The following ABCD3 variants were observed in gnomAD, a reference collection of about 807,000 sequenced individuals.
The protein encoded by ABCD3 is ATP-binding cassette sub-family D member 3.
Under a neutral mutation model 105.5 loss-of-function variants are expected in ABCD3, and 41 were observed. The observed-to-expected ratio is 0.39, with a 90% CI of 0.30 to 0.50. The LOEUF (loss-of-function observed/expected upper bound fraction) is 0.50. Ranked by LOEUF, ABCD3 falls within the 20% of genes least tolerant of loss-of-function variation. The probability of loss-of-function intolerance (pLI) is 0.84; values close to 1 mark genes in which losing one functional copy is unlikely to be tolerated. For missense variants in ABCD3, 622 were observed against 806.3 expected (o/e 0.77, Z 2.77); for synonymous variants, 258 against 269.0 (o/e 0.96, Z 0.40).
At chr1:94,477,627 C>T (rs1016101582) in intron 7 of ABCD3, among the ~76,000 whole-genome samples, 3 of 151,688 alleles carry the variant, frequency 2.0e-5, no homozygotes, top group Admixed American at 6.6e-5. Flanking sequence ...AGTGAATGAA[C>T]ACAATTTGTG....
At chr1:94,513,720 A>G (rs1207245351) in intron 21 of ABCD3, 2 of 152,020 alleles carry the variant, frequency 1.3e-5, no homozygotes, top group Admixed American at 1.3e-4. Flanking sequence ...TGACTTATAT[A>G]CTTCATATAT....
rs139836587 is a variant in ABCD3 at position 94,499,638 on chromosome 1, C to G, written c.1740+24C>G. 5 of 1,612,450 alleles carry G rather than the reference C, an allele frequency of 3.1e-6. No individual in the cohort carries two copies. The African/African-American group carries it at 6.7e-5, about 22-fold the overall frequency. ...CGGTAAGTATACTGTGAAGAAGTTG[C>G]ACAAGAATGCAACTGGTTCCAGCAT... On this transcript the variant is annotated intron_variant, in intron 20 of 22. Coordinates refer to ENST00000370214, the MANE Select transcript of ABCD3 (RefSeq NM_002858.4).
upstream of ABCD3, among the ~76,000 whole-genome samples, chr1:94,417,431 A>G (rs1286325771): frequency 6.6e-6 from 1 of 152,222 alleles, no homozygotes; most frequent in Non-Finnish European, 1.5e-5. Flanking sequence ...TCCTCAGCTG[A>G]AAACAGCGAT....
At chr1:94,425,356 G>A (rs4847303) in intron 1 of ABCD3, among the ~76,000 whole-genome samples, 56,835 of 151,878 alleles carry the variant, frequency 0.37, 11,806 homozygotes, top group Middle Eastern at 0.55. Context: ...ATATTTCCCT[G>A]TACATGACCT....
chr1:94,432,934 A>G (rs1026810735), intron 1 of ABCD3, among the ~76,000 whole-genome samples: 1 of 151,510 alleles, frequency 6.6e-6, no homozygotes. Context: ...GGCTCACTGC[A>G]ACCTCTGCCT....
chr1:94,402,541 A>G, the ABCD3 span, among the ~76,000 whole-genome samples: 1 of 152,180 alleles, frequency 6.6e-6, no homozygotes, highest in African/African-American at 2.4e-5. Flanking sequence ...ATCACAGTAT[A>G]GTTAGCAATT....
At chr1:94,422,677 C>G (rs1422950143) in intron 1 of ABCD3, among the ~76,000 whole-genome samples, 2 of 152,170 alleles carry the variant, frequency 1.3e-5, no homozygotes, top group African/African-American at 4.8e-5. Context: ...GGATAAATGA[C>G]ATAGGATAGT....
chr1:94,418,619 CG>C, intron 1 of ABCD3, 31 bp downstream of exon 1: 2 of 1,554,458 alleles, frequency 1.3e-6, no homozygotes, highest in Non-Finnish European at 8.7e-7. Flanking sequence ...GCAGCTTTCC[CG>C]GGCTGGAGCG....
the ABCD3 span, among the ~76,000 whole-genome samples, chr1:94,397,681 A>G: frequency 6.6e-6 from 1 of 152,120 alleles, no homozygotes; most frequent in Admixed American, 6.5e-5. Flanking sequence ...TCTACTATAA[A>G]ATTACTATTT....
chr1:94,459,785 C>T (rs1647778045), intron 2 of ABCD3, among the ~76,000 whole-genome samples: 1 of 152,168 alleles, frequency 6.6e-6, no homozygotes, highest in Non-Finnish European at 1.5e-5. Context: ...TTCCCCCAAT[C>T]CCTGGCAACC....
chr1:94,393,028 C>T, the ABCD3 span, among the ~76,000 whole-genome samples: 1 of 151,938 alleles, frequency 6.6e-6, no homozygotes, highest in South Asian at 2.1e-4. Flanking sequence ...AGGAGAATCA[C>T]TTGAACCCAG....
intron 21 of ABCD3, among the ~76,000 whole-genome samples, chr1:94,509,793 T>C (rs1650570845): frequency 6.6e-6 from 1 of 152,220 alleles, no homozygotes; most frequent in South Asian, 2.1e-4. Context: ...TTTGTAGTAT[T>C]CTCCGATGGT....
At chr1:94,461,589 A>G (rs1045802394) in intron 2 of ABCD3, among the ~76,000 whole-genome samples, 3 of 152,040 alleles carry the variant, frequency 2.0e-5, no homozygotes, top group African/African-American at 7.2e-5. Flanking sequence ...ACTAATTTTT[A>G]GGTCACTTCA....
chr1:94,455,681 G>A, intron 1 of ABCD3: 1 of 465,870 alleles, frequency 2.1e-6, no homozygotes. Flanking sequence ...TGTAGATTAT[G>A]TGTTCAGGCC....
chr1:94,392,697 AT>A, the ABCD3 span, among the ~76,000 whole-genome samples: 7 of 152,052 alleles, frequency 4.6e-5, no homozygotes, highest in East Asian at 1.9e-4. Context: ...GAAGAGGACC[AT>A]TTTTTTTAAT....
chr1:94,516,410 C>G (rs1332688395), intron 22 of ABCD3, among the ~76,000 whole-genome samples: 1 of 151,848 alleles, frequency 6.6e-6, no homozygotes, highest in South Asian at 2.1e-4. Flanking sequence ...AACTAGAAAT[C>G]AAAGGCATTT....
At chr1:94,469,918 G>T (rs1464078584) in intron 4 of ABCD3, among the ~76,000 whole-genome samples, 1 of 151,954 alleles carries the variant, frequency 6.6e-6, no homozygotes, top group Non-Finnish European at 1.5e-5. Flanking sequence ...TCCCGCCTCG[G>T]CCTCCCAAAG....
At chr1:94,438,301 T>TTACACACACAC (rs1659986483) in intron 1 of ABCD3, among the ~76,000 whole-genome samples, 1 of 128,202 alleles carries the variant, frequency 7.8e-6, no homozygotes, top group Admixed American at 8.2e-5. Flanking sequence ...CACACACACA[T>TTACACACACAC]ACACACACAC....
intron 9 of ABCD3, chr1:94,482,298 G>T (rs898679418): frequency 1.3e-5 from 2 of 152,112 alleles, no homozygotes; most frequent in African/African-American, 4.8e-5. Context: ...GAAAAACGCA[G>T]GTCCATTTCA....
Sources: gnomAD v4.1 joint callset for allele counts (sites outside exome capture counted in the v4.1 genomes callset) on GRCh38, gnomAD v4.1.1 for gene constraint, MANE v1.5 for transcripts, NCBI Gene and HGNC (gene_info 2026-07-23, HGNC 2026-07-21) for gene names.